Variants in TRAPPC9 observed in about 807,000 individuals in gnomAD.
TRAPPC9 encodes the protein trafficking protein particle complex subunit 9.
Under a neutral mutation model 124.0 loss-of-function variants are expected in TRAPPC9, and 83 were observed. The ratio of observed to expected loss-of-function variants is 0.67; its 90% CI spans 0.56 to 0.80. The LOEUF (loss-of-function observed/expected upper bound fraction) is 0.80, where lower values mean the gene tolerates loss of function less well. Ranked by LOEUF, TRAPPC9 falls within the 30% of genes least tolerant of loss-of-function variation. The pLI is 0.00. For missense variants in TRAPPC9, 1,302 were observed against 1,508.3 expected (o/e 0.86, Z 2.27); for synonymous variants, 638 against 617.5 (o/e 1.03, Z -0.49).
chr8:139,848,377 T>G (rs1827235347), intron 21 of TRAPPC9, among the ~76,000 whole-genome samples: 1 of 152,128 alleles, frequency 6.6e-6, no homozygotes, highest in African/African-American at 2.4e-5. Flanking sequence ...CATGCACACA[T>G]GCACACAGAT....
At chr8:139,952,804 C>G (rs538650980) in intron 19 of TRAPPC9, among the ~76,000 whole-genome samples, 7 of 152,346 alleles carry the variant, frequency 4.6e-5, no homozygotes, top group African/African-American at 1.4e-4. Context: ...TCCTCTGCAC[C>G]AGGCACTGTG....
intron 7 of TRAPPC9, among the ~76,000 whole-genome samples, chr8:140,394,436 C>T (rs1436595366): frequency 6.6e-6 from 1 of 152,210 alleles, no homozygotes; most frequent in Non-Finnish European, 1.5e-5. Context: ...CTTCCAGTGA[C>T]CACATGAACT....
rs1842755102 is a variant in TRAPPC9 at position 140,063,619 on chromosome 8, C to CTTATAGTG, written c.2557-39541_2557-39540insCACTATAA. Among the ~76,000 whole-genome samples, 7 of 152,298 alleles carry CTTATAGTG rather than the reference C, an allele frequency of 4.6e-5. No homozygotes were observed. In the East Asian group the frequency reaches 1.3e-3, roughly 29 times the overall value. On this transcript the variant is annotated intron_variant, in intron 17 of 22. Transcript: ENST00000438773. This position sits in a 1 kb window ranked among gnomAD's most constrained non-coding sequence, Gnocchi z 4.3. ...TTTTGATAATCAGTAAAAACAGTAC[C>CTTATAGTG]TGAGTACTAGTCACACTATAAGATT... is the stretch of plus-strand genomic sequence containing the variant.
chr8:139,878,712 C>A (rs1368375063), intron 21 of TRAPPC9, among the ~76,000 whole-genome samples: 1 of 152,208 alleles, frequency 6.6e-6, no homozygotes, highest in Non-Finnish European at 1.5e-5. Flanking sequence ...CACCTGAACT[C>A]CCAGCACTTT....
intron 21 of TRAPPC9, among the ~76,000 whole-genome samples, chr8:139,735,966 C>T (rs1354823175): frequency 6.6e-6 from 1 of 152,222 alleles, no homozygotes; most frequent in African/African-American, 2.4e-5. Flanking sequence ...GAGCCACACC[C>T]TGTCGGAGCA....
At chr8:140,352,397 T>G (rs1212354489) in intron 9 of TRAPPC9, among the ~76,000 whole-genome samples, 3 of 152,226 alleles carry the variant, frequency 2.0e-5, no homozygotes, top group Non-Finnish European at 4.4e-5. Context: ...TTTAAGATGC[T>G]TAAACAACCT....
At chr8:139,878,319 C>T (rs1563885862) in intron 21 of TRAPPC9, among the ~76,000 whole-genome samples, 1 of 152,110 alleles carries the variant, frequency 6.6e-6, no homozygotes, top group Non-Finnish European at 1.5e-5. Context: ...TGGAAAGTAG[C>T]AAAAAGACTT....
chr8:139,935,026 C>A (rs967201862), intron 19 of TRAPPC9, among the ~76,000 whole-genome samples: 32 of 152,294 alleles, frequency 2.1e-4, no homozygotes, highest in African/African-American at 7.7e-4. Flanking sequence ...AGACAGAGGA[C>A]CACAGGTATT....
chr8:140,253,656 C>T (rs12543314), intron 15 of TRAPPC9, among the ~76,000 whole-genome samples: 15,968 of 151,290 alleles, frequency 0.11, 1,071 homozygotes, highest in Admixed American at 0.17. Flanking sequence ...CCAGCCTGGG[C>T]AACAGAGCAA....
intron 13 of TRAPPC9, among the ~76,000 whole-genome samples, chr8:140,284,945 T>G (rs1393969661): frequency 6.6e-6 from 1 of 152,252 alleles, no homozygotes; most frequent in Non-Finnish European, 1.5e-5. Context: ...CATCTTGCAC[T>G]AATGTCCTTT....
chr8:140,247,160 G>A (rs1193894462), intron 16 of TRAPPC9, among the ~76,000 whole-genome samples: 1 of 152,170 alleles, frequency 6.6e-6, no homozygotes, highest in African/African-American at 2.4e-5. Context: ...AAGTCCTTAT[G>A]ACAACGTCTC....
intron 19 of TRAPPC9, among the ~76,000 whole-genome samples, chr8:139,944,685 C>A (rs1373036267): frequency 6.6e-6 from 1 of 151,962 alleles, no homozygotes; most frequent in Non-Finnish European, 1.5e-5. Flanking sequence ...CAAAAGATGG[C>A]AGGAAAAGGG....
At chr8:140,131,557 G>A (rs1231112864) in intron 17 of TRAPPC9, among the ~76,000 whole-genome samples, 1 of 152,208 alleles carries the variant, frequency 6.6e-6, no homozygotes, top group African/African-American at 2.4e-5. Context: ...TGGCTGCCAA[G>A]GGGTGCGGCT....
chr8:140,214,851 C>T (rs993005289), intron 17 of TRAPPC9, among the ~76,000 whole-genome samples: 4 of 152,164 alleles, frequency 2.6e-5, no homozygotes, highest in Non-Finnish European at 5.9e-5. Flanking sequence ...TGTTATCTTT[C>T]CCACTTCTCG....
intron 21 of TRAPPC9, among the ~76,000 whole-genome samples, chr8:139,767,694 C>A (rs1237967979): frequency 6.6e-6 from 1 of 152,338 alleles, no homozygotes; most frequent in East Asian, 1.9e-4. Context: ...ACAAGCAGGA[C>A]AAGCACTTCA....
chr8:140,440,311 TC>T (rs758900212), intron 2 of TRAPPC9, among the ~76,000 whole-genome samples: 2 of 151,916 alleles, frequency 1.3e-5, no homozygotes, highest in Admixed American at 6.6e-5. Flanking sequence ...ATCGAGACCA[TC>T]CTGGCTAACA....
At chr8:140,207,075 G>T (rs1367484808) in intron 17 of TRAPPC9, among the ~76,000 whole-genome samples, 6 of 152,214 alleles carry the variant, frequency 3.9e-5, no homozygotes, top group Admixed American at 3.3e-4. Flanking sequence ...GCAGGCAGGA[G>T]CCGTGCGTCT....
intron 18 of TRAPPC9, among the ~76,000 whole-genome samples, chr8:139,998,144 G>A (rs1054471432): frequency 2.0e-5 from 3 of 152,232 alleles, no homozygotes; most frequent in African/African-American, 7.2e-5. Flanking sequence ...ACCACGGAGG[G>A]CAGAGAAAGT....
At chr8:140,123,085 C>G (rs1319271470) in intron 17 of TRAPPC9, among the ~76,000 whole-genome samples, 4 of 152,156 alleles carry the variant, frequency 2.6e-5, no homozygotes, top group Non-Finnish European at 4.4e-5. Context: ...CAAATTACTG[C>G]CTCTGCAACC....
Sources: allele counts gnomAD v4.1 joint callset (sites outside exome capture counted in the v4.1 genomes callset), GRCh38; gene constraint gnomAD v4.1.1; non-coding constraint Gnocchi (gnomAD v3.1); transcripts MANE v1.5; gene names NCBI Gene and HGNC (gene_info 2026-07-23, HGNC 2026-07-21).